SYT11: variants seen among roughly 807,000 people sequenced by gnomAD.
The protein encoded by SYT11 is synaptotagmin-11.
A neutral mutation model predicts 30.4 loss-of-function variants in SYT11; 12 were observed. That is an observed-to-expected ratio of 0.39 (90% CI 0.25 to 0.64). The LOEUF (loss-of-function observed/expected upper bound fraction) is 0.64, where lower values mean the gene tolerates loss of function less well. SYT11 is among the 30% of genes least tolerant of loss of function. The pLI, the probability that SYT11 is intolerant of heterozygous loss-of-function variation, is 0.45. For synonymous variants in SYT11, 204 were observed against 216.0 expected, an observed-to-expected ratio of 0.94 and a Z score of 0.49; for missense variants, 412 against 552.0, an observed-to-expected ratio of 0.75 and a Z score of 2.54.
At position 155,860,272 on chromosome 1, in the gene SYT11, C is replaced by A. The variant is rs1455510677; in HGVS notation, c.34+477C>A. ...AGCTTGGAGACTGTGGGCCGTGTGG[C>A]TGGCAGCCAGGGGAGGCGGCGGCCT... is the stretch of plus-strand genomic sequence containing the variant. On this transcript the variant is annotated intron_variant, in intron 1 of 3. Transcript: ENST00000368324. The surrounding 1 kb of genome is among the most constrained non-coding windows in gnomAD (Gnocchi z 4.1). Among the ~76,000 whole-genome samples, 1 of 152,054 alleles carries A rather than the reference C, an allele frequency of 6.6e-6. No individual in the cohort carries two copies. Among genetic ancestry groups the A allele is most frequent in the Non-Finnish European group, 1.5e-5 (1 of 68,014 alleles).
At position 155,868,563 on chromosome 1, in the gene SYT11, G is replaced by T; in HGVS notation, c.633G>T (p.Lys211Asn). Reference sequence around the variant, plus strand: ...TTCCTGACAAACGGCATCGGGTGAAGACCAGAGTGCTGCGGAAGACCCTGG... The same window carrying T: ...TTCCTGACAAACGGCATCGGGTGAATACCAGAGTGCTGCGGAAGACCCTGG... ...TILPDKRHRV[K>N]TRVLRKTLDP... Residue 211 changes from lysine (K) to asparagine (N), a missense_variant, in exon 2 of 4, where the codon AAG becomes AAT. Physicochemically the swap from Lys to Asn is moderately conservative, Grantham distance 94 (BLOSUM62 0). Coordinates refer to ENST00000368324, the MANE Select transcript of SYT11 (RefSeq NM_152280.5). The surrounding 1 kb of genome is among the most constrained non-coding windows in gnomAD (Gnocchi z 4.7). 6.2e-7 allele frequency: 1 copy of T among 1,614,200 alleles called. No individual in the cohort carries two copies. Among genetic ancestry groups the T allele is most frequent in the Non-Finnish European group, 8.5e-7 (1 of 1,180,032 alleles).
Position 155,884,182 on chromosome 1 carries a change from G to C in SYT11, c.*2674G>C, listed in dbSNP as rs1297117942. ...CAAACCCGCTTTTGTTTCCTTCCCAGAAACAATGCAAAACAACAGGTGGAG... is the reference window on the plus strand; with the variant it reads ...CAAACCCGCTTTTGTTTCCTTCCCACAAACAATGCAAAACAACAGGTGGAG... On this transcript the variant is annotated 3_prime_UTR_variant, in exon 4 of 4. Transcript: ENST00000368324. The C allele has an allele frequency of 6.6e-6, 1 of 152,652 alleles. No homozygotes were observed. The highest frequency in any genetic ancestry group is 2.4e-5 in the African/African-American group (1 of 41,416). 9.5% of individuals were successfully genotyped at this position (152,652 alleles called of 1,614,324 possible). A position where few individuals can be genotyped will look rare whatever the true frequency, so the allele number is the denominator to read the frequency against.
chr1:155,870,078 G>A (rs1483039325), intron 2 of SYT11, among the ~76,000 whole-genome samples: 1 of 152,222 alleles, frequency 6.6e-6, no homozygotes, highest in Non-Finnish European at 1.5e-5. Context: ...CTTTATTGAA[G>A]GAGAAAGACA....
At chr1:155,870,168 A>G (rs1042316693) in intron 2 of SYT11, among the ~76,000 whole-genome samples, 9 of 152,210 alleles carry the variant, frequency 5.9e-5, no homozygotes, top group Admixed American at 2.0e-4. Flanking sequence ...TTAGAGTTTC[A>G]TGTCTTTTTC....
At chr1:155,874,643 C>T (rs1415404344) in intron 2 of SYT11, among the ~76,000 whole-genome samples, 1 of 150,038 alleles carries the variant, frequency 6.7e-6, no homozygotes, top group African/African-American at 2.4e-5. Flanking sequence ...GTAATCCCAG[C>T]ACTTTGGGAG....
chr1:155,868,602 C>G lies in SYT11; in HGVS notation c.672C>G (p.Asp224Glu), dbSNP rs751883423. Residue 224 changes from aspartate (D) to glutamate (E), a missense_variant, in exon 2 of 4, where the codon GAC becomes GAG. Asp to Glu is a conservative substitution (Grantham distance 45, BLOSUM62 2). Transcript: ENST00000368324. This position sits in a 1 kb window ranked among gnomAD's most constrained non-coding sequence, Gnocchi z 4.7. ...GGAAGACCCTGGACCCTGTGTTTGA[C>G]GAGACCTTCACCTTCTATGGCATCC... Reference protein sequence around the residue: ...VLRKTLDPVFDETFTFYGIPY... With the variant: ...VLRKTLDPVFEETFTFYGIPY... The G allele has an allele frequency of 2.5e-6, 4 of 1,614,116 alleles. No homozygotes were observed. The highest frequency in any genetic ancestry group is 3.4e-6 in the Non-Finnish European group (4 of 1,180,012).
rs1015596944 is a variant in SYT11 at position 155,863,307 on chromosome 1, G to A, written c.34+3512G>A. On this transcript the variant is annotated intron_variant, in intron 1 of 3. Transcript: ENST00000368324. ...CTCTAAAAAAAATTTTTTTTAATTAGCCAGGCATAGTGGCATGGTCCTGTA... is the reference window on the plus strand; with the variant it reads ...CTCTAAAAAAAATTTTTTTTAATTAACCAGGCATAGTGGCATGGTCCTGTA... Among the ~76,000 whole-genome samples the A allele has an allele frequency of 2.6e-5, 4 of 151,890 alleles. No homozygotes were observed. In the East Asian group the frequency reaches 7.7e-4, roughly 29 times the overall value.
chr1:155,861,481 A>G (rs922131440), intron 1 of SYT11, among the ~76,000 whole-genome samples: 6 of 152,254 alleles, frequency 3.9e-5, no homozygotes, highest in African/African-American at 9.6e-5. Flanking sequence ...CCTGTTACAT[A>G]CTACATTTTA....
intron 1 of SYT11, among the ~76,000 whole-genome samples, chr1:155,866,506 A>G (rs905296384): frequency 1.8e-4 from 27 of 152,362 alleles, no homozygotes; most frequent in African/African-American, 6.2e-4. Context: ...AAACAGACAT[A>G]AATTTTTGTC....
intron 1 of SYT11, among the ~76,000 whole-genome samples, chr1:155,861,416 T>C (rs745879979): frequency 1.3e-5 from 2 of 152,194 alleles, no homozygotes; most frequent in Non-Finnish European, 2.9e-5. Flanking sequence ...GAACATAATA[T>C]AGTGATTTCT....
intron 1 of SYT11, among the ~76,000 whole-genome samples, chr1:155,864,708 CTT>C (rs773089384): frequency 2.8e-4 from 36 of 128,256 alleles, no homozygotes; most frequent in African/African-American, 8.0e-4. Flanking sequence ...TGACTCAATC[CTT>C]TTTTTTTTTT....
chr1:155,874,415 C>G (rs1672827930), intron 2 of SYT11, among the ~76,000 whole-genome samples: 1 of 151,924 alleles, frequency 6.6e-6, no homozygotes, highest in Admixed American at 6.6e-5. Flanking sequence ...GCCTGGGCAA[C>G]ATAGCAAAAC....
chr1:155,862,526 A>T (rs1388713731), intron 1 of SYT11, among the ~76,000 whole-genome samples: 1 of 152,198 alleles, frequency 6.6e-6, no homozygotes, highest in Non-Finnish European at 1.5e-5. Flanking sequence ...TTCCTTCTCT[A>T]TCCTCCTGGA....
chr1:155,867,872 T>G (rs1672705629), intron 1 of SYT11, 93 bp from the exon 2 acceptor site: 1 of 979,462 alleles, frequency 1.0e-6, no homozygotes, highest in Non-Finnish European at 1.5e-6. Flanking sequence ...AGATTGAAGA[T>G]TAGCTTGGCT....
chr1:155,875,399 C>A (rs1376415061), intron 2 of SYT11, among the ~76,000 whole-genome samples: 1 of 151,584 alleles, frequency 6.6e-6, no homozygotes, highest in Non-Finnish European at 1.5e-5. Context: ...TGGGTTTAAA[C>A]CTTGGTTAGA....
At chr1:155,861,169 A>G (rs1419907682) in intron 1 of SYT11, among the ~76,000 whole-genome samples, 1 of 152,190 alleles carries the variant, frequency 6.6e-6, no homozygotes, top group Non-Finnish European at 1.5e-5. Flanking sequence ...TGATCTTCAC[A>G]CTCATTAACT....
At chr1:155,879,115 C>A (rs1044679043) in intron 2 of SYT11, among the ~76,000 whole-genome samples, 1 of 151,732 alleles carries the variant, frequency 6.6e-6, no homozygotes, top group African/African-American at 2.4e-5. Flanking sequence ...TGAAAATGTT[C>A]TTTAAAATGT....
chr1:155,859,893 C>A, intron 1 of SYT11, 98 bp downstream of exon 1: 1 of 1,194,928 alleles, frequency 8.4e-7, no homozygotes, highest in Non-Finnish European at 1.2e-6. Flanking sequence ...CAGACCAGAG[C>A]CTTCAAAATG....
At chr1:155,862,897 T>G (rs1672616004) in intron 1 of SYT11, among the ~76,000 whole-genome samples, 1 of 152,228 alleles carries the variant, frequency 6.6e-6, no homozygotes, top group Non-Finnish European at 1.5e-5. Flanking sequence ...TAATGGCAAC[T>G]GAATCCAATT....
Sources: gnomAD v4.1 joint callset for allele counts (sites outside exome capture counted in the v4.1 genomes callset) on GRCh38, gnomAD v4.1.1 for gene constraint, Gnocchi (gnomAD v3.1) non-coding constraint, MANE v1.5 for transcripts, NCBI Gene and HGNC (gene_info 2026-07-23, HGNC 2026-07-21) for gene names.